GYS1: variants seen among roughly 807,000 people sequenced by gnomAD.
GYS1 encodes the protein glycogen synthase 1.
A neutral mutation model predicts 89.1 loss-of-function variants in GYS1; 60 were observed. The ratio of observed to expected loss-of-function variants is 0.67; its 90% CI spans 0.55 to 0.84. The LOEUF is 0.84. GYS1 is among the 40% of genes least tolerant of loss of function. The probability of loss-of-function intolerance (pLI) is 0.00; values close to 1 mark genes in which losing one functional copy is unlikely to be tolerated. For missense variants in GYS1, 888 were observed against 1,003.1 expected (o/e 0.89, Z 1.55); for synonymous variants, 366 against 401.7 (o/e 0.91, Z 1.06).
intron 8 of GYS1, among the ~76,000 whole-genome samples, chr19:48,979,331 CTTTTCTT>C (rs2038711166): frequency 2.2e-5 from 1 of 46,354 alleles, no homozygotes; most frequent in African/African-American, 7.1e-5. Flanking sequence ...TTTCTTTTTT[CTTTTCTT>C]TTTTTTTTTT....
Position 48,968,435 on chromosome 19 carries a change from G to A in GYS1, c.*853C>T, listed in dbSNP as rs1331516670. 6.6e-6 allele frequency: 3 copies of A among 454,438 alleles called. No individual in the cohort carries two copies. The highest frequency in any genetic ancestry group is 1.3e-5 in the Non-Finnish European group (3 of 226,804). 28.2% of individuals were successfully genotyped at this position (454,438 alleles called of 1,614,324 possible). ...ACCTAGAACCTAGTGGTTTCACAGT[G>A]GGCAGAGCAGTTGGGAATAAGCCAG... On this transcript the variant is annotated 3_prime_UTR_variant, in exon 16 of 16. Transcript: ENST00000323798.
At position 48,991,504 on chromosome 19, in the gene GYS1, G is replaced by A; in HGVS notation, c.119-21C>T. The A allele has an allele frequency of 1.2e-6, 2 of 1,613,758 alleles. No individual in the cohort carries two copies. The highest frequency in any genetic ancestry group is 1.3e-5 in the African/African-American group (1 of 75,056). ...ACCCACTGTGGGCCCAAGCGTGTGA[G>A]GGCAGGCCCCGGCCGAGGTCCATAG... On this transcript the variant is annotated intron_variant, in intron 1 of 15. Coordinates refer to ENST00000323798, the MANE Select transcript of GYS1 (RefSeq NM_002103.5). This position sits in a 1 kb window ranked among gnomAD's most constrained non-coding sequence, Gnocchi z 4.7.
Position 48,969,003 on chromosome 19 carries a change from G to C in GYS1, c.*285C>G, listed in dbSNP as rs1004458701. The C allele has an allele frequency of 9.4e-6, 6 of 639,642 alleles. 1 individual carries two copies. Among genetic ancestry groups the C allele is most frequent in the South Asian group, 6.1e-5 (4 of 66,000 alleles). The allele number at this position is 639,642 out of a possible 1,614,324, so 39.6% of individuals were successfully genotyped here. On this transcript the variant is annotated 3_prime_UTR_variant, in exon 16 of 16. Transcript: ENST00000323798. ...CTAAAACCTCTGGCACCACCGCAGA[G>C]TAATGGCAGATTCCTGGCCTCTGGG...
intron 10 of GYS1, among the ~76,000 whole-genome samples, chr19:48,975,763 T>A (rs1256925579): frequency 9.3e-5 from 14 of 151,156 alleles, no homozygotes; most frequent in Non-Finnish European, 4.4e-5. Flanking sequence ...CCGTCTCTAC[T>A]AAAAATACAA....
At position 48,969,275 on chromosome 19, in the gene GYS1, T is replaced by G; in HGVS notation, c.*13A>C. On this transcript the variant is annotated 3_prime_UTR_variant, in exon 16 of 16. Transcript: ENST00000323798. ...AGAGAGGCAGGACAGGCGGGGAGTG[T>G]GGTGGGGCGGACTTAGTTACGCTCC... 1 of 1,530,952 alleles carries G rather than the reference T, an allele frequency of 6.5e-7. No individual in the cohort carries two copies. Among genetic ancestry groups the G allele is most frequent in the Non-Finnish European group, 8.7e-7 (1 of 1,144,472 alleles). The allele number at this position is 1,530,952 out of a possible 1,614,324, so 94.8% of individuals were successfully genotyped here. A position where few individuals can be genotyped will look rare whatever the true frequency, so the allele number is the denominator to read the frequency against.
intron 2 of GYS1, among the ~76,000 whole-genome samples, chr19:48,988,457 T>C (rs1199170498): frequency 6.6e-6 from 1 of 152,054 alleles, no homozygotes; most frequent in East Asian, 1.9e-4. Context: ...CCTCACCTCC[T>C]ACAGGCGTGG....
chr19:48,980,854 C>G (rs1206791919), intron 8 of GYS1, among the ~76,000 whole-genome samples: 3 of 151,712 alleles, frequency 2.0e-5, no homozygotes, highest in Non-Finnish European at 4.4e-5. Flanking sequence ...GTGGCTCACG[C>G]CTGGAATCCC....
chr19:48,986,386 C>T (rs959614232), intron 3 of GYS1, among the ~76,000 whole-genome samples: 13 of 152,210 alleles, frequency 8.5e-5, no homozygotes, highest in Admixed American at 2.6e-4. Context: ...CTCAAGGGTA[C>T]GCTGTCTGCA....
At chr19:48,974,387 G>A in intron 11 of GYS1, 48 bp from the exon 12 acceptor site, 1 of 1,606,784 alleles carries the variant, frequency 6.2e-7, no homozygotes, top group Non-Finnish European at 8.5e-7. Context: ...ATTTAGCTAA[G>A]CCCTGAGATC....
chr19:48,982,460 GT>G, intron 6 of GYS1, 85 bp from the exon 7 acceptor site: 1 of 1,522,266 alleles, frequency 6.6e-7, no homozygotes, highest in Non-Finnish European at 9.1e-7. Flanking sequence ...GAAGCTATGG[GT>G]GGGGGGGCAG....
chr19:48,971,046 C>T (rs142511466), intron 12 of GYS1, 23 bp from the exon 13 acceptor site: 7 of 1,512,070 alleles, frequency 4.6e-6, no homozygotes, highest in Middle Eastern at 1.7e-4. Flanking sequence ...AGGAGAGAGA[C>T]CCACTTAGCT....
intron 4 of GYS1, 25 bp from the exon 5 acceptor site, chr19:48,985,630 G>A (rs141540749): frequency 8.7e-6 from 14 of 1,613,414 alleles, no homozygotes; most frequent in Middle Eastern, 1.7e-4. Context: ...ACAGCAGTCC[G>A]GTTAGAAGGA....
intron 8 of GYS1, among the ~76,000 whole-genome samples, chr19:48,980,208 A>G (rs564965647): frequency 2.0e-5 from 3 of 152,264 alleles, no homozygotes; most frequent in Admixed American, 2.0e-4. Flanking sequence ...AGATACCCAC[A>G]GGGCTTGCTC....
At chr19:48,970,735 G>C (rs770548301) in intron 13 of GYS1, 26 bp from the exon 14 acceptor site, 1 of 1,610,062 alleles carries the variant, frequency 6.2e-7, no homozygotes, top group East Asian at 2.2e-5. Context: ...CCCAGGTTCA[G>C]AAAACATCCT....
At chr19:48,990,114 A>G (rs2038904634) in intron 2 of GYS1, among the ~76,000 whole-genome samples, 1 of 150,556 alleles carries the variant, frequency 6.6e-6, no homozygotes, top group Non-Finnish European at 1.5e-5. Context: ...AATGGATTCC[A>G]GACCCCACCC....
rs1289387926 is a variant in GYS1 at position 48,986,520 on chromosome 19, T to A, written c.493-485A>T. On this transcript the variant is annotated intron_variant, in intron 3 of 15. Transcript: ENST00000323798. ...TTTTTTTTCTTTTTCTTTTTTTTTT[T>A]GAGACAGTGTCTCACTCTGTGGCCC... Among the ~76,000 whole-genome samples, 3 of 151,280 alleles carry A rather than the reference T, an allele frequency of 2.0e-5. No individual in the cohort carries two copies. In the East Asian group the frequency reaches 5.8e-4, roughly 29 times the overall value.
At chr19:48,987,637 T>A (rs183093460) in intron 2 of GYS1, among the ~76,000 whole-genome samples, 1 of 151,324 alleles carries the variant, frequency 6.6e-6, no homozygotes, top group Admixed American at 6.6e-5. Context: ...CTGCTTACTT[T>A]CTTTCTTTCT....
At position 48,987,249 on chromosome 19, in the gene GYS1, C is replaced by A; in HGVS notation, c.437G>T (p.Arg146Leu). ...TCNIGVPWYD[R>L]EANDAVLFGF... ...AAAGAGGACAGCGTCGTTGGCCTCG[C>A]GGTCGTACCACGGCACTCCGATGTT... The change falls in exon 3 of 16, where the codon CGC becomes CTC. Residue 146 changes from arginine (R) to leucine (L), a missense_variant. By Grantham distance (102) the Arg-to-Leu change is moderately radical (BLOSUM62 -2). Transcript: ENST00000323798. 1 of 1,613,470 alleles carries A rather than the reference C, an allele frequency of 6.2e-7. No homozygotes were observed. Among genetic ancestry groups the A allele is most frequent in the Non-Finnish European group, 8.5e-7 (1 of 1,179,676 alleles).
chr19:48,981,412 A>AAAAC (rs141012491), intron 8 of GYS1, 118 bp downstream of exon 8: 518 of 725,154 alleles, frequency 7.1e-4, no homozygotes, highest in East Asian at 7.0e-3. Context: ...GACTGTCTCA[A>AAAAC]AAACAAACAA....
Sources: gnomAD v4.1 joint callset for allele counts (sites outside exome capture counted in the v4.1 genomes callset) on GRCh38, gnomAD v4.1.1 for gene constraint, Gnocchi (gnomAD v3.1) non-coding constraint, MANE v1.5 for transcripts, NCBI Gene and HGNC (gene_info 2026-07-23, HGNC 2026-07-21) for gene names.